Variants in TRMT11 observed in about 807,000 individuals in gnomAD.
TRMT11 encodes tRNA methyltransferase 11.
A neutral mutation model predicts 62.8 loss-of-function variants in TRMT11; 53 were observed. The observed-to-expected ratio is 0.84, with a 90% confidence interval of 0.68 to 1.06. The LOEUF (loss-of-function observed/expected upper bound fraction) is 1.06, where lower values mean the gene tolerates loss of function less well. Among genes scored for constraint, TRMT11 ranks in the 50% least tolerant of loss-of-function variants. TRMT11 has a pLI of 0.00. For missense variants in TRMT11, 556 were observed against 553.4 expected (o/e 1.00, Z -0.05); for synonymous variants, 188 against 190.3 (o/e 0.99, Z 0.10).
chr6:126,070,200 T>C (rs1776812535), intron 17 of TRMT11, among the ~76,000 whole-genome samples: 1 of 152,148 alleles, frequency 6.6e-6, no homozygotes, highest in Non-Finnish European at 1.5e-5. Context: ...AATTTTCACT[T>C]TTTGGCTTTC....
At chr6:126,064,580 C>T (rs865928391) in intron 17 of TRMT11, among the ~76,000 whole-genome samples, 6 of 151,974 alleles carry the variant, frequency 3.9e-5, no homozygotes, top group Admixed American at 6.6e-5. Flanking sequence ...AAAAAAGTCA[C>T]CACGAAAGAT....
chr6:126,208,498 C>T (rs184924589), downstream of TRMT11, among the ~76,000 whole-genome samples: 112 of 152,084 alleles, frequency 7.4e-4, no homozygotes, highest in African/African-American at 2.0e-3. Flanking sequence ...GAGTGATTTA[C>T]GTGAAAACCA....
At chr6:126,078,882 C>T (rs1438722810) in intron 17 of TRMT11, among the ~76,000 whole-genome samples, 1 of 152,084 alleles carries the variant, frequency 6.6e-6, no homozygotes, top group Non-Finnish European at 1.5e-5. Context: ...ATAGTAACAG[C>T]GAATATTTAT....
the TRMT11 span, among the ~76,000 whole-genome samples, chr6:126,269,943 G>T: frequency 2.0e-5 from 3 of 152,186 alleles, no homozygotes; most frequent in Non-Finnish European, 2.9e-5. Context: ...TGGTGGAAGG[G>T]ATGGGGAGGG....
chr6:126,099,550 C>G (rs778696531), intron 17 of TRMT11, among the ~76,000 whole-genome samples: 11 of 152,268 alleles, frequency 7.2e-5, no homozygotes, highest in Non-Finnish European at 1.3e-4. Flanking sequence ...AGTGCAAGCC[C>G]AGCCTGGCCA....
the TRMT11 span, among the ~76,000 whole-genome samples, chr6:126,244,509 G>T: frequency 1.1e-4 from 16 of 152,068 alleles, no homozygotes; most frequent in Non-Finnish European, 1.8e-4. Context: ...AGACCTAAAG[G>T]GCAACTATTA....
downstream of TRMT11, among the ~76,000 whole-genome samples, chr6:126,207,959 G>T (rs923582497): frequency 2.0e-5 from 3 of 152,096 alleles, no homozygotes; most frequent in Non-Finnish European, 2.9e-5. Context: ...ATTTAAAACT[G>T]AACATTAGGA....
chr6:126,226,421 G>A, the TRMT11 span, among the ~76,000 whole-genome samples: 21 of 152,076 alleles, frequency 1.4e-4, 1 homozygote, highest in South Asian at 6.2e-4. Flanking sequence ...TGAATATTTT[G>A]TAAATATTAA....
intron 17 of TRMT11, among the ~76,000 whole-genome samples, chr6:126,055,734 TTA>T (rs1386818809): frequency 6.6e-6 from 1 of 152,218 alleles, no homozygotes; most frequent in African/African-American, 2.4e-5. Flanking sequence ...GTTTCTTTGT[TTA>T]TGTTTCCTCC....
At chr6:126,251,324 C>T in the TRMT11 span, among the ~76,000 whole-genome samples, 8 of 151,832 alleles carry the variant, frequency 5.3e-5, no homozygotes, top group Admixed American at 2.0e-4. Context: ...CCACCGCACC[C>T]GGCCCCAATT....
intron 17 of TRMT11, among the ~76,000 whole-genome samples, chr6:126,103,511 C>T (rs1049804955): frequency 6.6e-6 from 1 of 152,216 alleles, no homozygotes; most frequent in Non-Finnish European, 1.5e-5. Flanking sequence ...TTCAAAGTTG[C>T]AATCAACGTG....
chr6:125,999,610 A>G lies in TRMT11; in HGVS notation c.676A>G (p.Thr226Ala), dbSNP rs774586427. 6.2e-7 allele frequency: 1 copy of G among 1,607,516 alleles called. No homozygotes were observed. The highest frequency in any genetic ancestry group is 1.7e-5 in the Admixed American group (1 of 59,144). Residue 226 changes from threonine to alanine, a missense_variant, in exon 7 of 13, where the codon ACA becomes GCA. Coordinates refer to ENST00000334379, the MANE Select transcript of TRMT11 (RefSeq NM_001031712.3). ...NDIVFDPFVG[T>A]GGLLIACAHF... is the part of the protein sequence containing the mutation. ...TATTGTCTTTGATCCATTTGTTGGA[A>G]CAGGTATTTTTATTTAACTTTTAAG...
chr6:126,266,428 C>G, the TRMT11 span, among the ~76,000 whole-genome samples: 18 of 152,150 alleles, frequency 1.2e-4, no homozygotes, highest in Admixed American at 1.2e-3. Flanking sequence ...AATGAAGCTA[C>G]TGGCAGCTTT....
At chr6:126,153,646 G>C (rs1252231050) in intron 21 of TRMT11, among the ~76,000 whole-genome samples, 1 of 152,162 alleles carries the variant, frequency 6.6e-6, no homozygotes, top group East Asian at 1.9e-4. Context: ...TAATCTCTTA[G>C]TTGCCAAGGG....
In TRMT11 at chr6:126,038,949, T is replaced by C. The variant is rs1254223038; in HGVS notation, c.*113T>C. On this transcript the variant is annotated 3_prime_UTR_variant, in exon 13 of 13. Transcript: ENST00000334379. ...AGGTACGGTTTTAAAATATTTTATA[T>C]AGAAAAGCTACAAAGTAAATTGAGC... The C allele has an allele frequency of 2.3e-6, 2 of 884,994 alleles. No homozygotes were observed. The highest frequency in any genetic ancestry group is 3.3e-5 in the Admixed American group (1 of 30,172). The allele number at this position is 884,994 out of a possible 1,614,324, so 54.8% of individuals were successfully genotyped here.
the TRMT11 span, among the ~76,000 whole-genome samples, chr6:126,238,230 A>G: frequency 1.1e-4 from 16 of 152,000 alleles, no homozygotes; most frequent in Non-Finnish European, 1.8e-4. Flanking sequence ...CGCTAATCTT[A>G]GTTATTTCTT....
chr6:126,257,815 G>T, the TRMT11 span: 1 of 811,070 alleles, frequency 1.2e-6, no homozygotes, highest in South Asian at 1.4e-5. Context: ...GAAGAGACCT[G>T]CTCATGGCAC....
intron 12 of TRMT11, among the ~76,000 whole-genome samples, chr6:126,027,066 A>G (rs1307155925): frequency 6.6e-6 from 1 of 152,162 alleles, no homozygotes; most frequent in East Asian, 1.9e-4. Context: ...TCGGCCTCCC[A>G]AAGTGCTGGG....
At chr6:126,022,601 A>G (rs1030726200) in intron 12 of TRMT11, among the ~76,000 whole-genome samples, 4 of 152,170 alleles carry the variant, frequency 2.6e-5, no homozygotes, top group Admixed American at 2.0e-4. Context: ...TGTTGAATGA[A>G]TCTTCCTAAA....
Sources: allele counts gnomAD v4.1 joint callset (sites outside exome capture counted in the v4.1 genomes callset), GRCh38; gene constraint gnomAD v4.1.1; transcripts MANE v1.5; gene names NCBI Gene and HGNC (gene_info 2026-07-23, HGNC 2026-07-21).